Variants in RIN2 observed in about 807,000 individuals in gnomAD.
RIN2 encodes Ras and Rab interactor 2, also known as RAB5 interacting protein 2.
In RIN2, 36 loss-of-function variants were observed where a neutral mutation model predicts 78.0. The ratio of observed to expected loss-of-function variants is 0.46; its 90% CI spans 0.35 to 0.61. RIN2 has a LOEUF of 0.61. Ranked by LOEUF, RIN2 falls within the 20% of genes least tolerant of loss-of-function variation. RIN2 has a pLI of 0.00. For synonymous variants in RIN2, 466 were observed against 466.8 expected (o/e 1.00, Z 0.02); for missense variants, 1,087 against 1,159.7 (o/e 0.94, Z 0.91).
chr20:19,881,045 G>C (rs1230583948), intron 2 of RIN2, among the ~76,000 whole-genome samples: 1 of 152,240 alleles, frequency 6.6e-6, no homozygotes, highest in East Asian at 1.9e-4. Context: ...TTTCAGTCTA[G>C]AGATCTAGTT....
chr20:19,802,602 T>G (rs2035278929), intron 2 of RIN2, among the ~76,000 whole-genome samples: 1 of 152,082 alleles, frequency 6.6e-6, no homozygotes, highest in Non-Finnish European at 1.5e-5. Context: ...ATGACATCAC[T>G]GAAGAATTCC....
At chr20:19,912,993 C>T (rs569481912) in intron 3 of RIN2, among the ~76,000 whole-genome samples, 3 of 152,266 alleles carry the variant, frequency 2.0e-5, no homozygotes, top group South Asian at 2.1e-4. Flanking sequence ...GAAAGTGCTG[C>T]GAGGTCCTCT....
At chr20:20,000,591 A>C in intron 12 of RIN2, 22 bp from the exon 13 acceptor site, 1 of 1,569,110 alleles carries the variant, frequency 6.4e-7, no homozygotes, top group Non-Finnish European at 8.7e-7. Flanking sequence ...TGACTGTCTC[A>C]ACATTCCTCT....
intron 9 of RIN2, among the ~76,000 whole-genome samples, chr20:19,979,608 GT>G (rs1013556937): frequency 6.6e-6 from 1 of 151,770 alleles, no homozygotes; most frequent in Admixed American, 6.6e-5. Context: ...TCAGATCTGG[GT>G]TTTTTTTGTT....
At chr20:19,894,221 T>A (rs1347727504) in intron 3 of RIN2, among the ~76,000 whole-genome samples, 1 of 152,076 alleles carries the variant, frequency 6.6e-6, no homozygotes, top group Non-Finnish European at 1.5e-5. Flanking sequence ...AGAGTTTGTA[T>A]AAGAAAGATG....
In RIN2 at chr20:19,956,512, G is replaced by T. The variant is rs761608254; in HGVS notation, c.159-103G>T. The T allele has an allele frequency of 6.3e-5, 61 of 975,040 alleles. 1 individual carries two copies. The highest frequency in any genetic ancestry group is 2.9e-4 in the South Asian group (20 of 69,726). The allele number at this position is 975,040 out of a possible 1,614,324, so 60.4% of individuals were successfully genotyped here. A position where few individuals can be genotyped will look rare whatever the true frequency, so the allele number is the denominator to read the frequency against. On this transcript the variant is annotated intron_variant, in intron 4 of 12. Transcript: ENST00000255006. ...ATTAAGGGGGCGATCACAAGATGGGGTATGTGCGGTGGCAAGCCTGGCCTA... is the reference window on the plus strand; with the variant it reads ...ATTAAGGGGGCGATCACAAGATGGGTTATGTGCGGTGGCAAGCCTGGCCTA...
chr20:19,903,079 C>T (rs929166363), intron 3 of RIN2, among the ~76,000 whole-genome samples: 6 of 151,894 alleles, frequency 4.0e-5, no homozygotes, highest in Admixed American at 1.3e-4. Context: ...GGCAACAGAG[C>T]GAGACTCTGT....
intron 8 of RIN2, among the ~76,000 whole-genome samples, chr20:19,971,717 C>T (rs1209668776): frequency 1.3e-5 from 2 of 150,694 alleles, no homozygotes; most frequent in Non-Finnish European, 2.9e-5. Flanking sequence ...CTTTGAATTC[C>T]CTTCTGCTGA....
At chr20:19,788,473 G>C (rs1240516759) in intron 1 of RIN2, among the ~76,000 whole-genome samples, 1 of 133,072 alleles carries the variant, frequency 7.5e-6, no homozygotes, top group Admixed American at 7.5e-5. Flanking sequence ...ATGGTGGCAG[G>C]CACCTGTAAT....
intron 2 of RIN2, among the ~76,000 whole-genome samples, chr20:19,848,975 C>T (rs2036873208): frequency 6.6e-6 from 1 of 152,244 alleles, no homozygotes; most frequent in Middle Eastern, 3.4e-3. Flanking sequence ...TTTAGTTGTC[C>T]AAACTCATCT....
At chr20:19,798,622 G>A (rs940670915) in intron 1 of RIN2, among the ~76,000 whole-genome samples, 34 of 152,064 alleles carry the variant, frequency 2.2e-4, no homozygotes, top group African/African-American at 6.3e-4. Flanking sequence ...ACACATATAC[G>A]TGTGTGTGTG....
intron 2 of RIN2, among the ~76,000 whole-genome samples, chr20:19,820,438 C>T (rs1336444149): frequency 1.3e-5 from 2 of 152,174 alleles, no homozygotes; most frequent in Non-Finnish European, 2.9e-5. Context: ...CTTAAACCCC[C>T]TCAAAACACA....
chr20:19,954,127 C>A (rs1348192865), intron 4 of RIN2, among the ~76,000 whole-genome samples: 2 of 152,152 alleles, frequency 1.3e-5, no homozygotes, highest in Non-Finnish European at 2.9e-5. Context: ...GTCTGCACAC[C>A]CAAAAATGAT....
intron 2 of RIN2, among the ~76,000 whole-genome samples, chr20:19,885,371 A>G (rs1351656138): frequency 6.6e-6 from 1 of 152,202 alleles, no homozygotes; most frequent in African/African-American, 2.4e-5. Flanking sequence ...TGTATTGCGT[A>G]TTTGAAAATT....
chr20:20,000,429 C>T (rs1416634754), intron 12 of RIN2, among the ~76,000 whole-genome samples, 184 bp from the exon 13 acceptor site: 5 of 152,204 alleles, frequency 3.3e-5, no homozygotes, highest in Non-Finnish European at 5.9e-5. Flanking sequence ...TAGTCATCTT[C>T]GCCACTGTCC....
chr20:20,000,492 G>A (rs1302902412), intron 12 of RIN2, 121 bp from the exon 13 acceptor site: 7 of 763,842 alleles, frequency 9.2e-6, no homozygotes, highest in Admixed American at 7.4e-5. Context: ...GCCTGACATC[G>A]GACATTATGA....
intron 8 of RIN2, among the ~76,000 whole-genome samples, chr20:19,973,337 A>AT (rs2042165480): frequency 6.6e-6 from 1 of 152,052 alleles, no homozygotes; most frequent in African/African-American, 2.4e-5. Context: ...AGAAGGAGGG[A>AT]TACAGGATAG....
In RIN2 at chr20:19,973,558, G is replaced by A. The variant is rs902379848; in HGVS notation, c.629-1096G>A. 4.6e-5 allele frequency among the ~76,000 whole-genome samples: 7 copies of A among 152,332 alleles called. 1 individual carries two copies. Among genetic ancestry groups the A allele is most frequent in the East Asian group, 1.9e-4 (1 of 5,182 alleles). On this transcript the variant is annotated intron_variant, in intron 8 of 12. Coordinates refer to ENST00000255006, the MANE Select transcript of RIN2 (RefSeq NM_018993.4). ...AATCCCAGCACTTTGGGAGGCCAAG[G>A]CAGGTGGATCACCTGAGTTCAGGAG...
Position 19,886,776 on chromosome 20 carries a change from C to T in RIN2, c.-36-2790C>T, listed in dbSNP as rs750327856. 81 of 1,527,816 alleles carry T rather than the reference C, an allele frequency of 5.3e-5. 1 individual carries two copies. The highest frequency in any genetic ancestry group is 4.2e-4 in the South Asian group (34 of 81,406). The allele number at this position is 1,527,816 out of a possible 1,614,324, so 94.6% of individuals were successfully genotyped here. A position where few individuals can be genotyped will look rare whatever the true frequency, so the allele number is the denominator to read the frequency against. ...TGGAGGAATTTCACAGCCTCTCAAA[C>T]TACGGTACCCTTTTTGTTTCTTAGT... is the stretch of plus-strand genomic sequence containing the variant. On this transcript the variant is annotated intron_variant, in intron 2 of 12. Coordinates refer to ENST00000255006, the MANE Select transcript of RIN2 (RefSeq NM_018993.4).
Sources: gnomAD v4.1 joint callset for allele counts (sites outside exome capture counted in the v4.1 genomes callset) on GRCh38, gnomAD v4.1.1 for gene constraint, MANE v1.5 for transcripts, NCBI Gene and HGNC (gene_info 2026-07-23, HGNC 2026-07-21) for gene names.